P3H1: variants seen among roughly 807,000 people sequenced by gnomAD.
P3H1 encodes the protein growth suppressor 1.
Under a neutral mutation model 84.0 loss-of-function variants are expected in P3H1, and 69 were observed. The observed-to-expected ratio is 0.82, with a 90% CI of 0.68 to 1.00. The LOEUF is 1.00. Among genes scored for constraint, P3H1 ranks in the 50% least tolerant of loss-of-function variants. The probability of loss-of-function intolerance (pLI) is 0.00; values close to 1 mark genes in which losing one functional copy is unlikely to be tolerated. For synonymous variants in P3H1, 366 were observed against 388.8 expected (o/e 0.94, Z 0.69); for missense variants, 878 against 962.8 (o/e 0.91, Z 1.17).
At chr1:42,748,099 A>G in intron 12 of P3H1, 101 bp downstream of exon 12, 1 of 863,196 alleles carries the variant, frequency 1.2e-6, no homozygotes. Context: ...GCTAGCCCCA[A>G]CCAGTGTGTG....
intron 2 of P3H1, 41 bp downstream of exon 2, chr1:42,762,282 T>G (rs926986023): frequency 6.2e-7 from 1 of 1,603,110 alleles, no homozygotes; most frequent in South Asian, 1.1e-5. Flanking sequence ...AAAATAAATT[T>G]AAAAAGAAAG....
At position 42,758,868 on chromosome 1, in the gene P3H1, C is replaced by T; in HGVS notation, c.924G>A (p.Gln308=). Residue 308 remains glutamine, a synonymous_variant, in exon 4 of 15, where the codon CAG becomes CAA. Coordinates refer to ENST00000296388, the MANE Select transcript of P3H1 (RefSeq NM_022356.4). ...DFLPSHYNYL[Q]FAYYNIGNYT... ...AGGCCTTACTGTTATAGTAGGCAAA[C>T]TGCAGATAATTATAATGCGATGGGA... 1 of 1,614,160 alleles carries T rather than the reference C, an allele frequency of 6.2e-7. No homozygotes were observed. The highest frequency in any genetic ancestry group is 1.7e-5 in the Admixed American group (1 of 60,014).
rs71518462 is a variant in P3H1 at position 42,750,659 on chromosome 1, T to G, written c.1570-323A>C. On this transcript the variant is annotated intron_variant, in intron 10 of 14. Coordinates refer to ENST00000296388, the MANE Select transcript of P3H1 (RefSeq NM_022356.4). The stretch of plus-strand genomic sequence containing the variant: ...CGTCCGGGAGGGAGGCCGGGGGGGG[T>G]GGTCGGCCAGCCGCCCCGTCCGGGA... 0.57 allele frequency among the ~76,000 whole-genome samples: 22,423 copies of G among 39,120 alleles called. 7,710 individuals are homozygous for G. The highest frequency in any genetic ancestry group is 0.71 in the African/African-American group (7,301 of 10,294). 25.7% of individuals were successfully genotyped at this position (39,120 alleles called of 152,430 possible).
intron 14 of P3H1, 160 bp from the exon 15 acceptor site, chr1:42,747,012 G>A (rs1221992277): frequency 6.2e-7 from 1 of 1,614,126 alleles, no homozygotes; most frequent in Non-Finnish European, 8.5e-7. Context: ...AGCTGAAGTG[G>A]GGCCCAAGGA....
Position 42,762,475 on chromosome 1 carries a change from T to A in P3H1, c.466A>T (p.Ile156Phe), listed in dbSNP as rs751518628. 1 of 1,613,998 alleles carries A rather than the reference T, an allele frequency of 6.2e-7. No individual in the cohort carries two copies. Among genetic ancestry groups the A allele is most frequent in the Non-Finnish European group, 8.5e-7 (1 of 1,179,936 alleles). Residue 156 changes from isoleucine to phenylalanine, a missense_variant and splice_region_variant, in exon 2 of 15, where the codon ATC (isoleucine) becomes TTC (phenylalanine). Physicochemically the swap from Ile to Phe is conservative, Grantham distance 21. Transcript: ENST00000296388. ...GCAACAGCTTTCTCCAACTTGTTGA[T>A]CTAAGAATGAAGCATGAGAAGGTGG... ...YNYLQVAYFK[I>F]NKLEKAVAAA...
rs1282561972 is a variant in P3H1, at chr1:42,747,282, T to G, written c.2045A>C (p.His682Pro). 1 of 1,613,908 alleles carries G rather than the reference T, an allele frequency of 6.2e-7. No individual in the cohort carries two copies. The highest frequency in any genetic ancestry group is 8.5e-7 in the Non-Finnish European group (1 of 1,179,994). The change falls in exon 14 of 15, where the codon CAC (histidine) becomes CCC (proline). Residue 682 changes from histidine to proline, a missense_variant. By Grantham distance (77) the His-to-Pro change is moderately conservative. Transcript: ENST00000296388. Reference protein sequence around the residue: ...IALWFTLDPRHSERDRVQADD... With the variant: ...IALWFTLDPRPSERDRVQADD... ...TCGAGCTGCTCTCACCCGCTCGCTG[T>G]GTCGAGGGTCCAGGGTGAACCACAG...
At chr1:42,752,165 G>A in intron 10 of P3H1, 109 bp downstream of exon 10, 1 of 890,432 alleles carries the variant, frequency 1.1e-6, no homozygotes, top group Non-Finnish European at 1.9e-6. Context: ...GTTGGCAGGT[G>A]GACCCTCTTC....
rs72659353 is a variant in P3H1 at position 42,755,543 on chromosome 1, C to G, written c.1170+5G>C. On this transcript the variant is annotated splice_donor_5th_base_variant and intron_variant, in intron 6 of 14. Coordinates refer to ENST00000296388, the MANE Select transcript of P3H1 (RefSeq NM_022356.4). The stretch of plus-strand genomic sequence containing the variant: ...CTCCCTTCCGGCTCCTGTACCCTAG[C>G]TCACCGGATCCACAAAGGGAATTCC... 1.9e-6 allele frequency: 3 copies of G among 1,611,036 alleles called. No homozygotes were observed. The East Asian group carries it at 6.7e-5, about 36-fold the overall frequency.
Position 42,747,370 on chromosome 1 carries a change from A to C in P3H1, c.1957T>G (p.Ser653Ala). ...PQCGRAVGFS[S>A]GTENPHGVKA... is the part of the protein sequence containing the mutation. ...ACTCCATGTGGGTTTTCAGTGCCTG[A>C]AGAGAATCCCACGGCTCTTCCACAC... is the stretch of plus-strand genomic sequence containing the variant. The change falls in exon 14 of 15, where the codon TCA (serine) becomes GCA (alanine). Residue 653 changes from serine (S) to alanine (A), a missense_variant. Physicochemically the swap from Ser to Ala is moderately conservative, Grantham distance 99. Coordinates refer to ENST00000296388, the MANE Select transcript of P3H1 (RefSeq NM_022356.4). 1.2e-6 allele frequency: 2 copies of C among 1,610,904 alleles called. No homozygotes were observed. Among genetic ancestry groups the C allele is most frequent in the Non-Finnish European group, 1.7e-6 (2 of 1,178,458 alleles).
At chr1:42,763,183 A>G (rs1001484415) in intron 1 of P3H1, among the ~76,000 whole-genome samples, 1 of 152,174 alleles carries the variant, frequency 6.6e-6, no homozygotes, top group Non-Finnish European at 1.5e-5. Flanking sequence ...GAGAAAAAAG[A>G]GCAGCTAACA....
At chr1:42,760,382 G>A (rs1652645910) in intron 2 of P3H1, 1 of 151,736 alleles carries the variant, frequency 6.6e-6, no homozygotes, top group Non-Finnish European at 1.5e-5. Context: ...TTTTGAGACA[G>A]ACAGCCCAGG....
At chr1:42,747,200 G>C in intron 14 of P3H1, 72 bp downstream of exon 14, 1 of 1,614,212 alleles carries the variant, frequency 6.2e-7, no homozygotes, top group South Asian at 1.1e-5. Flanking sequence ...GGAAGAGAAA[G>C]GCAAACCAAG....
At chr1:42,757,750 T>A (rs752694485) in intron 5 of P3H1, 33 bp downstream of exon 5, 2 of 1,614,144 alleles carry the variant, frequency 1.2e-6, no homozygotes, top group East Asian at 4.5e-5. Context: ...TGAGTTCAGC[T>A]GGCAGCTGTC....
At chr1:42,749,000 T>C (rs976958604) in intron 11 of P3H1, among the ~76,000 whole-genome samples, 9 of 152,236 alleles carry the variant, frequency 5.9e-5, no homozygotes, top group Non-Finnish European at 1.3e-4. Context: ...TCCCGGGGCC[T>C]CACTTCTCCC....
Position 42,746,838 on chromosome 1 carries a change from T to A in P3H1, c.2070A>T (p.Ala690=). ...TGAAGAGCATCTTCACCAGGTCATC[T>A]GCCTGCACCCTGTCCTGCAAGGACA... ...PRHSERDRVQ[A]DDLVKMLFSP... The change falls in exon 15 of 15, where the codon GCA becomes GCT. Residue 690 remains alanine (A), a synonymous_variant. Coordinates refer to ENST00000296388, the MANE Select transcript of P3H1 (RefSeq NM_022356.4). The A allele has an allele frequency of 6.2e-7, 1 of 1,613,564 alleles. No individual in the cohort carries two copies. Among genetic ancestry groups the A allele is most frequent in the South Asian group, 1.1e-5 (1 of 90,906 alleles).
intron 1 of P3H1, among the ~76,000 whole-genome samples, chr1:42,763,500 C>T (rs1442302037): frequency 2.7e-5 from 4 of 150,812 alleles, no homozygotes; most frequent in South Asian, 2.1e-4. Context: ...GGTGAAACCC[C>T]GTCTCTACTA....
rs528926971 is a variant in P3H1 at position 42,746,669 on chromosome 1, G to A, written c.*28C>T. ...AGAAGAGTTCCTCTCCATGGGTCTA[G>A]TCACCCATCCGTCTGACCTGGACGC... On this transcript the variant is annotated 3_prime_UTR_variant, in exon 15 of 15. Coordinates refer to ENST00000296388, the MANE Select transcript of P3H1 (RefSeq NM_022356.4). The A allele has an allele frequency of 9.4e-5, 142 of 1,517,824 alleles. 3 individuals carry two copies. In the South Asian group the frequency reaches 1.5e-3, roughly 17 times the overall value. The allele number at this position is 1,517,824 out of a possible 1,614,324, so 94.0% of individuals were successfully genotyped here. A position where few individuals can be genotyped will look rare whatever the true frequency, so the allele number is the denominator to read the frequency against.
At chr1:42,747,044 G>A (rs533604121) in intron 14 of P3H1, 192 bp from the exon 15 acceptor site, 9 of 1,614,128 alleles carry the variant, frequency 5.6e-6, no homozygotes, top group Middle Eastern at 1.6e-4. Flanking sequence ...ACTCAGCATC[G>A]CTCCCTGTCT....
intron 5 of P3H1, 21 bp downstream of exon 5, chr1:42,757,762 T>C: frequency 6.8e-6 from 11 of 1,614,188 alleles, no homozygotes; most frequent in Non-Finnish European, 9.3e-6. Context: ...GCAGCTGTCA[T>C]AACAGAAGGA....
Sources: allele counts gnomAD v4.1 joint callset (sites outside exome capture counted in the v4.1 genomes callset), GRCh38; gene constraint gnomAD v4.1.1; transcripts MANE v1.5; gene names NCBI Gene and HGNC (gene_info 2026-07-23, HGNC 2026-07-21).